Variants in EPHA3 observed in about 807,000 individuals in gnomAD.
EPHA3 encodes ephrin type-A receptor 3.
EPHA3 carries 42 observed loss-of-function variants against 107.1 expected under a neutral mutation model. The ratio of observed to expected loss-of-function variants is 0.39; its 90% CI spans 0.31 to 0.51. The LOEUF is 0.51. Among genes scored for constraint, EPHA3 ranks in the 20% least tolerant of loss-of-function variants. The pLI is 0.78. For synonymous variants in EPHA3, 461 were observed against 424.8 expected (o/e 1.09, Z -1.05); for missense variants, 1,183 against 1,211.2 (o/e 0.98, Z 0.35).
chr3:89,127,087 T>A, intron 1 of EPHA3, 122 bp from the exon 2 acceptor site: 2 of 738,140 alleles, frequency 2.7e-6, no homozygotes, highest in South Asian at 3.2e-5. Context: ...TATAGACTTA[T>A]AATGAGAAGG....
intron 3 of EPHA3, among the ~76,000 whole-genome samples, chr3:89,335,703 T>C (rs1707377458): frequency 6.6e-6 from 1 of 152,186 alleles, no homozygotes. Flanking sequence ...TTAACTAGTT[T>C]AAAAATCTTC....
intron 2 of EPHA3, among the ~76,000 whole-genome samples, chr3:89,150,540 A>G (rs528911877): frequency 8.6e-5 from 13 of 152,042 alleles, no homozygotes; most frequent in Non-Finnish European, 1.5e-4. Flanking sequence ...TTTATGACCA[A>G]TAGTGATTTC....
At chr3:89,392,353 C>T (rs1708761590) in intron 5 of EPHA3, among the ~76,000 whole-genome samples, 1 of 151,924 alleles carries the variant, frequency 6.6e-6, no homozygotes, top group Admixed American at 6.6e-5. Context: ...GCAGTAGAGT[C>T]TCTTGAACCC....
chr3:89,130,411 TAA>T (rs1355070988), intron 2 of EPHA3, among the ~76,000 whole-genome samples: 1 of 152,152 alleles, frequency 6.6e-6, no homozygotes, highest in African/African-American at 2.4e-5. Context: ...AAAAAATAAA[TAA>T]GTGATTCATT....
At chr3:89,367,219 G>A (rs993489428) in intron 5 of EPHA3, among the ~76,000 whole-genome samples, 3 of 150,642 alleles carry the variant, frequency 2.0e-5, no homozygotes, top group African/African-American at 4.8e-5. Flanking sequence ...GCATAAACTC[G>A]CTACAGGTTC....
chr3:89,375,077 G>C (rs1708377626), intron 5 of EPHA3, among the ~76,000 whole-genome samples: 1 of 151,792 alleles, frequency 6.6e-6, no homozygotes. Flanking sequence ...GTGTATGTGT[G>C]TGTGTTAGCT....
At chr3:89,209,772 T>C in intron 2 of EPHA3, 88 bp from the exon 3 acceptor site, 1 of 1,120,404 alleles carries the variant, frequency 8.9e-7, no homozygotes, top group Non-Finnish European at 1.3e-6. Flanking sequence ...TGATGATTTA[T>C]TATATAGAGA....
Position 89,450,354 on chromosome 3 carries a change from A to C in EPHA3, c.2674A>C (p.Thr892Pro), listed in dbSNP as rs1576384940. 2 of 1,613,214 alleles carry C rather than the reference A, an allele frequency of 1.2e-6. No individual in the cohort carries two copies. Among genetic ancestry groups the C allele is most frequent in the Non-Finnish European group, 1.7e-6 (2 of 1,179,588 alleles). ...GAATCCCGGCAGCCTGAAGATCATC[A>C]CCAGTGCAGCCGCAAGGTGACACAT... ...IRNPGSLKIITSAAARPSNLL... is the reference protein window; with the variant it reads ...IRNPGSLKIIPSAAARPSNLL... Residue 892 changes from threonine to proline, a missense_variant, in exon 15 of 17, where the codon ACC (threonine) becomes CCC (proline). Thr to Pro is a conservative substitution (Grantham distance 38, BLOSUM62 -1). Coordinates refer to ENST00000336596, the MANE Select transcript of EPHA3 (RefSeq NM_005233.6).
At chr3:89,157,624 G>T (rs1281363853) in intron 2 of EPHA3, among the ~76,000 whole-genome samples, 1 of 151,906 alleles carries the variant, frequency 6.6e-6, no homozygotes, top group African/African-American at 2.4e-5. Context: ...ACCTTGCGGG[G>T]ATAAAACCAG....
In EPHA3 at chr3:89,479,633, C is replaced by A. The variant is rs1576400553; in HGVS notation, c.*131C>A. On this transcript the variant is annotated 3_prime_UTR_variant, in exon 17 of 17. Coordinates refer to ENST00000336596, the MANE Select transcript of EPHA3 (RefSeq NM_005233.6). The stretch of plus-strand genomic sequence containing the variant: ...CCAATAAGACACTCAAATATGAGTA[C>A]AAATGCCTTAAAATGGAATTGAAAA... 3 of 605,932 alleles carry A rather than the reference C, an allele frequency of 5.0e-6. No individual in the cohort carries two copies. The East Asian group carries it at 8.6e-5, about 17-fold the overall frequency. The allele number at this position is 605,932 out of a possible 1,614,324, so 37.5% of individuals were successfully genotyped here.
chr3:89,282,425 A>G (rs1705971164), intron 3 of EPHA3, among the ~76,000 whole-genome samples: 1 of 152,120 alleles, frequency 6.6e-6, no homozygotes, highest in Non-Finnish European at 1.5e-5. Flanking sequence ...TGGGAGAAAT[A>G]TGTAAAAAGC....
chr3:89,250,198 A>G (rs73849217), intron 3 of EPHA3, among the ~76,000 whole-genome samples: 5,171 of 152,314 alleles, frequency 0.034, 299 homozygotes, highest in African/African-American at 0.12. Flanking sequence ...ATCAAAGTCA[A>G]CATTCTCCTT....
At chr3:89,445,734 G>T (rs1709866058) in intron 13 of EPHA3, among the ~76,000 whole-genome samples, 1 of 152,176 alleles carries the variant, frequency 6.6e-6, no homozygotes, top group Admixed American at 6.5e-5. Flanking sequence ...TCAAAAACCT[G>T]AATGACACAA....
At chr3:89,285,217 G>C (rs1706051777) in intron 3 of EPHA3, among the ~76,000 whole-genome samples, 1 of 152,136 alleles carries the variant, frequency 6.6e-6, no homozygotes, top group Non-Finnish European at 1.5e-5. Flanking sequence ...CATCTGCCTA[G>C]AATAGTCTGT....
At chr3:89,218,434 GCTTCATCCATGTCCTTA>G (rs1387599499) in intron 3 of EPHA3, among the ~76,000 whole-genome samples, 1 of 151,798 alleles carries the variant, frequency 6.6e-6, no homozygotes, top group Non-Finnish European at 1.5e-5. Context: ...ATGGTTTCCA[GCTTCATCCATGTCCTTA>G]CAAAGGACCT....
chr3:89,218,203 A>G (rs6779902), intron 3 of EPHA3, among the ~76,000 whole-genome samples: 89,694 of 151,408 alleles, frequency 0.59, 28,435 homozygotes, highest in Non-Finnish European at 0.7. Flanking sequence ...GGTTTGTTAC[A>G]TATGTACACA....
intron 2 of EPHA3, among the ~76,000 whole-genome samples, chr3:89,209,383 A>T (rs1407489309): frequency 6.6e-6 from 1 of 151,994 alleles, no homozygotes; most frequent in Non-Finnish European, 1.5e-5. Flanking sequence ...GCATGATGAT[A>T]CATAGTAAAA....
At chr3:89,284,285 G>T (rs967432474) in intron 3 of EPHA3, among the ~76,000 whole-genome samples, 4 of 151,920 alleles carry the variant, frequency 2.6e-5, no homozygotes, top group Non-Finnish European at 5.9e-5. Flanking sequence ...ATAGACTCAG[G>T]TAGAGTGACT....
intron 15 of EPHA3, among the ~76,000 whole-genome samples, chr3:89,451,625 T>C (rs1709991603): frequency 1.3e-5 from 2 of 152,296 alleles, no homozygotes; most frequent in Middle Eastern, 3.4e-3. Context: ...TGGCTTGGAC[T>C]TGTGAGTTCA....
Sources: allele counts gnomAD v4.1 joint callset (sites outside exome capture counted in the v4.1 genomes callset), GRCh38; gene constraint gnomAD v4.1.1; transcripts MANE v1.5; gene names NCBI Gene and HGNC (gene_info 2026-07-23, HGNC 2026-07-21).